The following DLGAP2 variants were observed in gnomAD, a reference collection of about 807,000 sequenced individuals.
DLGAP2 encodes DLG associated protein 2.
A neutral mutation model predicts 100.3 loss-of-function variants in DLGAP2; 26 were observed. The ratio of observed to expected loss-of-function variants is 0.26; its 90% CI spans 0.19 to 0.36. DLGAP2 has a LOEUF of 0.36. Ranked by LOEUF, DLGAP2 falls within the 10% of genes least tolerant of loss-of-function variation. The pLI is 1.00. For synonymous variants in DLGAP2, 886 were observed against 630.1 expected (o/e 1.41, Z -6.08); for missense variants, 1,858 against 1,453.2 (o/e 1.28, Z -4.53).
At chr8:1,506,530 CAA>C (rs1480277855) in intron 4 of DLGAP2, among the ~76,000 whole-genome samples, 1 of 152,270 alleles carries the variant, frequency 6.6e-6, no homozygotes, top group Non-Finnish European at 1.5e-5. Flanking sequence ...AGTGCGGACC[CAA>C]AGAGTGAGCA....
chr8:787,402 G>A (rs1821898165), intron 1 of DLGAP2, among the ~76,000 whole-genome samples: 1 of 152,182 alleles, frequency 6.6e-6, no homozygotes, highest in East Asian at 1.9e-4. Flanking sequence ...AGGAAGGGTG[G>A]CCTCTAAAAA....
chr8:1,278,089 A>C (rs1466881464), intron 3 of DLGAP2, among the ~76,000 whole-genome samples: 1 of 152,074 alleles, frequency 6.6e-6, no homozygotes, highest in East Asian at 1.9e-4. Flanking sequence ...TTCTTTTCTC[A>C]TTTATTCAGA....
At chr8:1,126,980 C>G (rs897108428) in intron 2 of DLGAP2, among the ~76,000 whole-genome samples, 1 of 151,302 alleles carries the variant, frequency 6.6e-6, no homozygotes, top group Non-Finnish European at 1.5e-5. Context: ...CTTAAACTGT[C>G]CTTCTGCTTG....
intron 2 of DLGAP2, among the ~76,000 whole-genome samples, chr8:1,221,167 C>T (rs764908849): frequency 2.6e-5 from 4 of 152,048 alleles, no homozygotes; most frequent in African/African-American, 9.7e-5. Flanking sequence ...TATGTATACT[C>T]GGTTATATAG....
At chr8:1,548,578 T>C (rs747947040) in intron 4 of DLGAP2, 48 bp from the exon 5 acceptor site, 22 of 1,431,852 alleles carry the variant, frequency 1.5e-5, no homozygotes, top group South Asian at 2.9e-5. Context: ...CACCTGAGGG[T>C]TTCCGCCGCG....
At chr8:1,276,083 TA>T (rs1209945915) in intron 3 of DLGAP2, among the ~76,000 whole-genome samples, 1 of 139,498 alleles carries the variant, frequency 7.2e-6, no homozygotes. Context: ...AATATATAAA[TA>T]AATGTGTATA....
At chr8:1,557,202 T>G (rs958529779) in intron 5 of DLGAP2, among the ~76,000 whole-genome samples, 2 of 152,268 alleles carry the variant, frequency 1.3e-5, no homozygotes, top group East Asian at 3.9e-4. Context: ...ATTACCTGGT[T>G]GGGAACTGCT....
intron 1 of DLGAP2, among the ~76,000 whole-genome samples, chr8:757,034 C>T (rs1820938650): frequency 1.3e-5 from 2 of 152,158 alleles, no homozygotes; most frequent in African/African-American, 4.8e-5. Context: ...GTGCAGTTCC[C>T]TGTTCGTGGC....
At chr8:1,623,352 C>G (rs896098018) in intron 6 of DLGAP2, among the ~76,000 whole-genome samples, 13 of 151,736 alleles carry the variant, frequency 8.6e-5, no homozygotes, top group Middle Eastern at 3.4e-3. Flanking sequence ...GTGTGAAGAC[C>G]TGTGCGTGAT....
intron 6 of DLGAP2, among the ~76,000 whole-genome samples, chr8:1,593,936 C>A (rs921975703): frequency 6.6e-6 from 1 of 152,230 alleles, no homozygotes; most frequent in South Asian, 2.1e-4. Flanking sequence ...TGGCATCTAC[C>A]TTCCAAGCCT....
rs571901673 is a variant in DLGAP2 at position 1,433,925 on chromosome 8, C to T, written c.107-67441C>T. Among the ~76,000 whole-genome samples, 92 of 152,148 alleles carry T rather than the reference C, an allele frequency of 6.0e-4. No individual in the cohort carries two copies. The South Asian group carries it at 0.01, about 17-fold the overall frequency. ...CTGGGGTCCTTACACTCTCAGAAAC[C>T]GAGAATAACACCTCTTTGCAAACCA... On this transcript the variant is annotated intron_variant, in intron 3 of 14. Coordinates refer to ENST00000637795, the MANE Select transcript of DLGAP2 (RefSeq NM_001346810.2).
chr8:1,371,214 A>T (rs543912820), intron 3 of DLGAP2, among the ~76,000 whole-genome samples: 215 of 152,350 alleles, frequency 1.4e-3, no homozygotes, highest in African/African-American at 5.1e-3. Flanking sequence ...GCACCTGGTC[A>T]GCAGTCCTCA....
chr8:1,226,984 A>G (rs1016285661), intron 2 of DLGAP2, among the ~76,000 whole-genome samples: 2 of 151,132 alleles, frequency 1.3e-5, no homozygotes, highest in Non-Finnish European at 2.9e-5. Flanking sequence ...GAATTACCCT[A>G]TGACCCTGCA....
intron 3 of DLGAP2, among the ~76,000 whole-genome samples, chr8:1,414,141 G>A (rs1214850431): frequency 1.3e-5 from 2 of 152,176 alleles, no homozygotes; most frequent in Non-Finnish European, 2.9e-5. Flanking sequence ...AAAGTGAAGT[G>A]TTCAGGGTTG....
At chr8:1,095,559 C>A (rs1445942848) in intron 2 of DLGAP2, among the ~76,000 whole-genome samples, 1 of 152,154 alleles carries the variant, frequency 6.6e-6, no homozygotes, top group East Asian at 1.9e-4. Flanking sequence ...TTAGCAGTGT[C>A]CACCGTCAAC....
chr8:1,630,429 G>A (rs185291260), intron 7 of DLGAP2, among the ~76,000 whole-genome samples: 2 of 152,236 alleles, frequency 1.3e-5, no homozygotes, highest in East Asian at 1.9e-4. Flanking sequence ...TTGGCCAGTC[G>A]CGGTGGCTCA....
At chr8:1,420,286 A>C (rs1422631391) in intron 3 of DLGAP2, among the ~76,000 whole-genome samples, 1 of 152,090 alleles carries the variant, frequency 6.6e-6, no homozygotes, top group Admixed American at 6.5e-5. Flanking sequence ...TTCAACCTTT[A>C]TTGCCCTTAT....
chr8:1,279,932 C>G (rs1799782461), intron 3 of DLGAP2, among the ~76,000 whole-genome samples: 1 of 152,126 alleles, frequency 6.6e-6, no homozygotes, highest in Admixed American at 6.6e-5. Flanking sequence ...GGCTTGAGAA[C>G]CAGGAGGCGC....
intron 2 of DLGAP2, among the ~76,000 whole-genome samples, chr8:1,087,785 A>G (rs2129040820): frequency 6.6e-6 from 1 of 152,302 alleles, no homozygotes; most frequent in South Asian, 2.1e-4. Context: ...AACAGAATCC[A>G]TTTTACTGTC....
Sources: allele counts gnomAD v4.1 joint callset (sites outside exome capture counted in the v4.1 genomes callset), GRCh38; gene constraint gnomAD v4.1.1; transcripts MANE v1.5; gene names NCBI Gene and HGNC (gene_info 2026-07-23, HGNC 2026-07-21).